Variants in RIT2 observed in about 807,000 individuals in gnomAD.
RIT2 encodes GTP-binding protein Rit2.
Under a neutral mutation model 23.7 loss-of-function variants are expected in RIT2, and 24 were observed. That is an observed-to-expected ratio of 1.01 (90% CI 0.73 to 1.43). The LOEUF is 1.43. RIT2 is among the 40% of genes most tolerant of loss of function. RIT2 has a pLI of 0.00. For synonymous variants in RIT2, 107 were observed against 91.1 expected (o/e 1.17, Z -0.99); for missense variants, 236 against 266.9 (o/e 0.88, Z 0.81).
At chr18:42,847,573 T>C (rs1906944818) in intron 4 of RIT2, among the ~76,000 whole-genome samples, 1 of 152,172 alleles carries the variant, frequency 6.6e-6, no homozygotes. Context: ...GGTTGCGTCA[T>C]CTGTCATTCT....
intron 1 of RIT2, among the ~76,000 whole-genome samples, chr18:43,078,157 C>T (rs1913069167): frequency 1.3e-5 from 2 of 152,270 alleles, no homozygotes; most frequent in Admixed American, 6.5e-5. Flanking sequence ...TGAGTAATGA[C>T]ATTGTCAGTG....
At chr18:43,048,429 G>A (rs916455658) in intron 1 of RIT2, among the ~76,000 whole-genome samples, 1 of 152,186 alleles carries the variant, frequency 6.6e-6, no homozygotes, top group African/African-American at 2.4e-5. Context: ...AAGGAAACAA[G>A]TGCTAGAAGC....
intron 3 of RIT2, among the ~76,000 whole-genome samples, chr18:42,953,673 GTTAAAGCT>G (rs1177188323): frequency 1.3e-5 from 2 of 152,152 alleles, no homozygotes; most frequent in African/African-American, 4.8e-5. Context: ...AAACAACACT[GTTAAAGCT>G]TGGGATATTT....
intron 1 of RIT2, among the ~76,000 whole-genome samples, chr18:43,083,098 A>ATTTCT (rs1913196374): frequency 1.3e-5 from 2 of 152,316 alleles, no homozygotes; most frequent in African/African-American, 4.8e-5. Flanking sequence ...AGACAAACAG[A>ATTTCT]GAGTCAAATC....
At chr18:42,929,964 G>A (rs1372055636) in intron 3 of RIT2, among the ~76,000 whole-genome samples, 1 of 152,156 alleles carries the variant, frequency 6.6e-6, no homozygotes, top group South Asian at 2.1e-4. Context: ...GGATGTTCCA[G>A]GAGTTGAGAG....
chr18:43,109,405 C>T (rs1913901633), intron 1 of RIT2, among the ~76,000 whole-genome samples: 1 of 152,126 alleles, frequency 6.6e-6, no homozygotes, highest in Admixed American at 6.5e-5. Context: ...TTTCAACTAC[C>T]ACTTAGAGAC....
At chr18:42,827,053 C>T (rs1248517199) in intron 4 of RIT2, among the ~76,000 whole-genome samples, 1 of 131,076 alleles carries the variant, frequency 7.6e-6, no homozygotes, top group African/African-American at 2.9e-5. Context: ...ATTCTTAAAA[C>T]AAACAAGCAA....
chr18:42,795,155 G>A (rs1392764198), intron 4 of RIT2, among the ~76,000 whole-genome samples: 2 of 152,200 alleles, frequency 1.3e-5, no homozygotes, highest in Non-Finnish European at 2.9e-5. Context: ...CGGCACTTGA[G>A]GAGCCCTTCA....
chr18:42,980,779 G>A (rs73475458), intron 2 of RIT2, among the ~76,000 whole-genome samples: 2,700 of 152,080 alleles, frequency 0.018, 84 homozygotes, highest in African/African-American at 0.062. Flanking sequence ...GACCACTACT[G>A]GAAGATGTCA....
chr18:42,997,638 A>G (rs1007002074), intron 2 of RIT2, among the ~76,000 whole-genome samples: 1 of 152,080 alleles, frequency 6.6e-6, no homozygotes, highest in South Asian at 2.1e-4. Context: ...TTCAAAAAAT[A>G]TTTTGAGCAT....
intron 4 of RIT2, among the ~76,000 whole-genome samples, chr18:42,868,186 A>G (rs1411263085): frequency 6.6e-6 from 1 of 152,206 alleles, no homozygotes; most frequent in African/African-American, 2.4e-5. Context: ...AACTGCTGGG[A>G]AAGTAAATCC....
intron 4 of RIT2, among the ~76,000 whole-genome samples, chr18:42,758,486 C>CCT: frequency 1.1e-4 from 1 of 8,842 alleles, no homozygotes; most frequent in East Asian, 0.012. Context: ...ACATTCTAAT[C>CCT]CTTTTTTTTT....
At chr18:43,068,585 G>A (rs886519334) in intron 1 of RIT2, among the ~76,000 whole-genome samples, 9 of 152,148 alleles carry the variant, frequency 5.9e-5, no homozygotes, top group African/African-American at 9.7e-5. Context: ...GGATGCAGTG[G>A]TCAATTGCAT....
intron 1 of RIT2, among the ~76,000 whole-genome samples, chr18:43,098,579 TTTTTGTAACGACATAATAG>T (rs1354711344): frequency 6.6e-6 from 1 of 151,970 alleles, no homozygotes; most frequent in Non-Finnish European, 1.5e-5. Flanking sequence ...AGAATAGGGT[TTTTTGTAACGACATAATAG>T]TTACAATAAC....
intron 3 of RIT2, among the ~76,000 whole-genome samples, chr18:42,971,228 C>T (rs1381740374): frequency 2.0e-5 from 3 of 151,944 alleles, no homozygotes; most frequent in Non-Finnish European, 4.4e-5. Context: ...CTACAGGGAA[C>T]ATAAATTCTG....
intron 2 of RIT2, among the ~76,000 whole-genome samples, chr18:42,977,706 G>A (rs1049113601): frequency 5.3e-5 from 8 of 151,036 alleles, no homozygotes; most frequent in African/African-American, 1.9e-4. Flanking sequence ...TATATACAAT[G>A]GGATGTCAAA....
At chr18:42,816,349 TG>T (rs974244964) in intron 4 of RIT2, among the ~76,000 whole-genome samples, 6 of 152,204 alleles carry the variant, frequency 3.9e-5, no homozygotes, top group African/African-American at 1.2e-4. Context: ...CATGTCCTTC[TG>T]TATCTAGGGG....
At chr18:42,880,804 CTT>C (rs397966126) in intron 4 of RIT2, among the ~76,000 whole-genome samples, 8 of 115,554 alleles carry the variant, frequency 6.9e-5, no homozygotes, top group Admixed American at 1.9e-4. Context: ...CTTCCTACCT[CTT>C]TTTTTTTTTT....
At chr18:42,837,229 G>A (rs1167293261) in intron 4 of RIT2, among the ~76,000 whole-genome samples, 10 of 127,848 alleles carry the variant, frequency 7.8e-5, no homozygotes, top group East Asian at 7.4e-4. Context: ...GTGCAGTGGC[G>A]TGATCTCAGC....
Sources: gnomAD v4.1 joint callset for allele counts (sites outside exome capture counted in the v4.1 genomes callset) on GRCh38, gnomAD v4.1.1 for gene constraint, MANE v1.5 for transcripts, NCBI Gene and HGNC (gene_info 2026-07-23, HGNC 2026-07-21) for gene names.